The following HIPK1 variants were observed in gnomAD, a reference collection of about 807,000 sequenced individuals.
HIPK1 encodes the protein homeodomain-interacting protein kinase 1.
A neutral mutation model predicts 117.1 loss-of-function variants in HIPK1; 28 were observed. The ratio of observed to expected loss-of-function variants is 0.24; its 90% confidence interval spans 0.18 to 0.33. The LOEUF is 0.33. Among genes scored for constraint, HIPK1 ranks in the 10% least tolerant of loss-of-function variants. HIPK1 has a pLI of 1.00. For missense variants in HIPK1, 1,122 were observed against 1,475.1 expected, an observed-to-expected ratio of 0.76 and a Z score of 3.92; for synonymous variants, 605 against 562.5, an observed-to-expected ratio of 1.08 and a Z score of -1.07.
Position 113,941,208 on chromosome 1 carries a change from A to G in HIPK1, c.825A>G (p.Leu275=), listed in dbSNP as rs187154875. Residue 275 remains leucine (L), a synonymous_variant, in exon 2 of 16, where the codon TTA becomes TTG. Coordinates refer to ENST00000426820, the MANE Select transcript of HIPK1 (RefSeq NM_198268.3). The surrounding 1 kb of genome is among the most constrained non-coding windows in gnomAD (Gnocchi z 4.9). ...TTTTTGAAATGTTGGAGCAGAACTT[A>G]TATGATTTTCTAAAGCAAAACAAAT... ...CLVFEMLEQN[L]YDFLKQNKFS... is the part of the protein sequence containing the mutation. 1.2e-6 allele frequency: 2 copies of G among 1,614,240 alleles called. No homozygotes were observed. Among genetic ancestry groups the G allele is most frequent in the Admixed American group, 3.3e-5 (2 of 60,030 alleles).
At chr1:113,957,041 C>A in intron 6 of HIPK1, 83 bp from the exon 7 acceptor site, 1 of 1,184,340 alleles carries the variant, frequency 8.4e-7, no homozygotes, top group South Asian at 1.5e-5. Context: ...GGAAAAAAAG[C>A]TTTGATCCAT....
intron 9 of HIPK1, 72 bp downstream of exon 9, chr1:113,962,510 A>G: frequency 4.7e-6 from 7 of 1,479,404 alleles, no homozygotes; most frequent in Admixed American, 2.0e-5. Flanking sequence ...TGTCCTAGAA[A>G]ATGGTATTTC....
At chr1:113,961,281 A>G (rs1290757502) in intron 8 of HIPK1, among the ~76,000 whole-genome samples, 3 of 152,202 alleles carry the variant, frequency 2.0e-5, no homozygotes, top group Non-Finnish European at 4.4e-5. Flanking sequence ...ACAAAGAAGA[A>G]TTCTTGATTT....
At chr1:113,945,302 G>A (rs1190574552) in intron 2 of HIPK1, among the ~76,000 whole-genome samples, 1 of 152,136 alleles carries the variant, frequency 6.6e-6, no homozygotes, top group Admixed American at 6.6e-5. Context: ...CTTTTTACCT[G>A]TTGATAGTGT....
intron 1 of HIPK1, chr1:113,933,221 C>G: frequency 3.1e-6 from 3 of 983,288 alleles, no homozygotes; most frequent in Non-Finnish European, 3.6e-6. Flanking sequence ...GAGCTTTAAG[C>G]AGAGACTAGA....
chr1:113,934,603 CTT>C (rs2101124644), intron 1 of HIPK1, among the ~76,000 whole-genome samples: 1 of 152,036 alleles, frequency 6.6e-6, no homozygotes, highest in Non-Finnish European at 1.5e-5. Context: ...AATGTAAAGA[CTT>C]CATTTATTGC....
Position 113,952,886 on chromosome 1 carries a change from TC to T in HIPK1, c.1198del (p.Gln400ArgfsTer52). 6.6e-7 allele frequency: 1 copy of T among 1,519,504 alleles called. No homozygotes were observed. Among genetic ancestry groups the T allele is most frequent in the Admixed American group, 2.2e-5 (1 of 45,676 alleles). 94.1% of individuals were successfully genotyped at this position (1,519,504 alleles called of 1,614,324 possible). ...PLYPGASEYD[Q>X]IRYISQTQGL... ...TTTATCCTGGTGCTTCAGAATATGA[TC>T]AGGTAAAAGTGTTTATTTGAATGGA... On this transcript the variant is annotated frameshift_variant and splice_region_variant, in exon 3 of 16. Transcript: ENST00000426820. LOFTEE classifies it high-confidence loss of function.
Position 113,959,339 on chromosome 1 carries a change from G to A in HIPK1, c.1981+1048G>A, listed in dbSNP as rs375039524. ...ACCAGGAGGACAGGAGAGCAATAGC[G>A]ATATAAACCAGGGAGAAACCACAGG... On this transcript the variant is annotated intron_variant, in intron 8 of 15. Transcript: ENST00000426820. 4.6e-5 allele frequency among the ~76,000 whole-genome samples: 7 copies of A among 152,160 alleles called. No homozygotes were observed. The East Asian group carries it at 1.2e-3, about 25-fold the overall frequency.
intron 2 of HIPK1, among the ~76,000 whole-genome samples, chr1:113,942,481 T>C (rs77724504): frequency 0.017 from 2,643 of 152,336 alleles, 79 homozygotes; most frequent in African/African-American, 0.059. Flanking sequence ...GGAATAACTC[T>C]AGGTTTAACT....
chr1:113,973,247 T>C lies in HIPK1; in HGVS notation c.3368T>C (p.Leu1123Pro). Residue 1123 changes from leucine (L) to proline (P), a missense_variant, in exon 16 of 16, where the codon CTG (leucine) becomes CCG (proline). Physicochemically the swap from Leu to Pro is moderately conservative, Grantham distance 98 (BLOSUM62 -3). Coordinates refer to ENST00000426820, the MANE Select transcript of HIPK1 (RefSeq NM_198268.3). ...GCTGCCCCGACTTCTGCTGCTGCAC[T>C]GGGCTCAACCAGCTCCATTGCTCAT... ...TYAAPTSAAA[L>P]GSTSSIAHLF... 6.2e-7 allele frequency: 1 copy of C among 1,614,194 alleles called. No homozygotes were observed. Among genetic ancestry groups the C allele is most frequent in the Non-Finnish European group, 8.5e-7 (1 of 1,180,032 alleles).
At chr1:113,938,841 T>G (rs1338833982) in intron 1 of HIPK1, among the ~76,000 whole-genome samples, 1 of 145,266 alleles carries the variant, frequency 6.9e-6, no homozygotes, top group Non-Finnish European at 1.5e-5. Flanking sequence ...GCCCCAGAGG[T>G]GAAGGTTGCA....
At chr1:113,943,517 T>G (rs998806528) in intron 2 of HIPK1, among the ~76,000 whole-genome samples, 2 of 152,242 alleles carry the variant, frequency 1.3e-5, no homozygotes, top group African/African-American at 4.8e-5. Context: ...CACATTTTGT[T>G]TATGCATTCA....
intron 1 of HIPK1, among the ~76,000 whole-genome samples, chr1:113,939,336 T>TG (rs1670489265): frequency 7.4e-6 from 1 of 135,866 alleles, no homozygotes; most frequent in African/African-American, 2.6e-5. Flanking sequence ...TGTTTTTTTT[T>TG]TTTTTTGTTG....
intron 2 of HIPK1, chr1:113,951,414 T>C: frequency 3.2e-6 from 1 of 316,422 alleles, no homozygotes; most frequent in African/African-American, 2.3e-5. Context: ...GGCCAATAAC[T>C]TAATCTTTCT....
rs561600933 is a variant in HIPK1, at chr1:113,950,455, A to T, written c.1077-2311A>T. Among the ~76,000 whole-genome samples, 8 of 152,292 alleles carry T rather than the reference A, an allele frequency of 5.3e-5. No individual in the cohort carries two copies. The East Asian group carries it at 1.5e-3, about 29-fold the overall frequency. On this transcript the variant is annotated intron_variant, in intron 2 of 15. Transcript: ENST00000426820. ...AAAGAAAGGAAATTATTTGGAGAAG[A>T]TGATCCAGTGCCTAAGAGCTGAAAT...
Position 113,957,186 on chromosome 1 carries a change from T to C in HIPK1, c.1655T>C (p.Val552Ala). The C allele has an allele frequency of 6.2e-7, 1 of 1,613,366 alleles. No homozygotes were observed. The highest frequency in any genetic ancestry group is 8.5e-7 in the Non-Finnish European group (1 of 1,179,334). The change falls in exon 7 of 16, where the codon GTG becomes GCG. Residue 552 changes from valine (V) to alanine (A), a missense_variant. This residue lies in a region of HIPK1 where 731 missense variants were observed against 860.4 expected (regional missense o/e 0.85). Coordinates refer to ENST00000426820, the MANE Select transcript of HIPK1 (RefSeq NM_198268.3). ...CGGAGGGTTCACATGTATGATACAG[T>C]GAGTCAGATCAAGAGTCCCTTCACT... ...CKRRVHMYDT[V>A]SQIKSPFTTH...
rs1222512633 is a variant in HIPK1 at position 113,931,178 on chromosome 1, T to G, written c.-3+1646T>G. 2.6e-5 allele frequency among the ~76,000 whole-genome samples: 4 copies of G among 151,808 alleles called. No homozygotes were observed. The East Asian group carries it at 7.7e-4, about 29-fold the overall frequency. On this transcript the variant is annotated intron_variant, in intron 1 of 15. Coordinates refer to ENST00000426820, the MANE Select transcript of HIPK1 (RefSeq NM_198268.3). ...ATCTCTGGTCTGTGGGTTTTTTTTT[T>G]TTTTTTGTAAGATTATAGAGAATGC...
In HIPK1 at chr1:113,941,322, C is replaced by T. The variant is rs146903607; in HGVS notation, c.939C>T (p.His313=). 4.9e-5 allele frequency: 79 copies of T among 1,614,240 alleles called. No individual in the cohort carries two copies. The highest frequency in any genetic ancestry group is 3.3e-4 in the Middle Eastern group (2 of 6,062). The change falls in exon 2 of 16, where the codon CAC becomes CAT. Residue 313 remains histidine, a synonymous_variant. Transcript: ENST00000426820. This position sits in a 1 kb window ranked among gnomAD's most constrained non-coding sequence, Gnocchi z 4.9. ...AGCTCAAGAGTCTTGGTCTGATCCA[C>T]GCTGACCTTAAGCCTGAAAACATCA... ...LMKLKSLGLI[H]ADLKPENIML...
intron 9 of HIPK1, 58 bp from the exon 10 acceptor site, chr1:113,963,329 G>C: frequency 2.5e-6 from 4 of 1,594,230 alleles, no homozygotes; most frequent in Non-Finnish European, 2.6e-6. Context: ...GAACCCTTCT[G>C]AATCCAGATA....
Sources: gnomAD v4.1 joint callset for allele counts (sites outside exome capture counted in the v4.1 genomes callset) on GRCh38, gnomAD v4.1.1 for gene constraint, gnomAD v4.1.1 regional missense constraint, Gnocchi (gnomAD v3.1) non-coding constraint, MANE v1.5 for transcripts, NCBI Gene and HGNC (gene_info 2026-07-23, HGNC 2026-07-21) for gene names.